TNFSF4: variants seen among roughly 807,000 people sequenced by gnomAD.
TNFSF4 encodes the protein tumor necrosis factor ligand superfamily member 4.
In TNFSF4, 4 loss-of-function variants were observed where a neutral mutation model predicts 7.3. The ratio of observed to expected loss-of-function variants is 0.55; its 90% CI spans 0.27 to 1.25. The LOEUF is 1.25. TNFSF4 is among the 50% of genes most tolerant of loss of function. The pLI is 0.12. For missense variants in TNFSF4, 181 were observed against 208.8 expected (o/e 0.87, Z 0.82); for synonymous variants, 76 against 83.7 (o/e 0.91, Z 0.50).
chr1:173,201,017 A>G (rs1384316662), intron 1 of TNFSF4, among the ~76,000 whole-genome samples: 1 of 152,254 alleles, frequency 6.6e-6, no homozygotes, highest in Non-Finnish European at 1.5e-5. Flanking sequence ...TGCCAGGAAT[A>G]TTCCCCAATG....
chr1:173,199,724 C>A (rs1649859123), intron 1 of TNFSF4, among the ~76,000 whole-genome samples: 1 of 152,128 alleles, frequency 6.6e-6, no homozygotes, highest in African/African-American at 2.4e-5. Flanking sequence ...GAAACTTCTT[C>A]ATGGTTGAAT....
Position 173,186,765 on chromosome 1 carries a change from A to G in TNFSF4, c.303T>C (p.Tyr101=). Reference sequence around the variant, plus strand: ...AGAAGTAGCCCTTCAGGGAGATGAGATAAAACCCATCACAGTTGATGATGA... The same window carrying G: ...AGAAGTAGCCCTTCAGGGAGATGAGGTAAAACCCATCACAGTTGATGATGA... ...NSVIINCDGF[Y]LISLKGYFSQ... Residue 101 remains tyrosine (Y), a synonymous_variant, in exon 3 of 3, where the codon TAT becomes TAC. Transcript: ENST00000281834. The G allele has an allele frequency of 3.1e-6, 5 of 1,614,164 alleles. No individual in the cohort carries two copies. The highest frequency in any genetic ancestry group is 4.2e-6 in the Non-Finnish European group (5 of 1,180,002).
chr1:173,270,684 G>T, the TNFSF4 span, among the ~76,000 whole-genome samples: 1 of 152,094 alleles, frequency 6.6e-6, no homozygotes, highest in Non-Finnish European at 1.5e-5. Context: ...TAGACTTGTG[G>T]TTAAAGCAAA....
chr1:173,325,160 C>T, the TNFSF4 span, among the ~76,000 whole-genome samples: 5 of 152,298 alleles, frequency 3.3e-5, no homozygotes, highest in East Asian at 9.6e-4. Flanking sequence ...TTATAACAAA[C>T]TATCTCTCAG....
At chr1:173,445,773 G>A in the TNFSF4 span, among the ~76,000 whole-genome samples, 201 of 152,186 alleles carry the variant, frequency 1.3e-3, no homozygotes, top group African/African-American at 4.3e-3. Flanking sequence ...GGGGAGTCCC[G>A]GAGATAAGAG....
At chr1:173,414,982 T>C in the TNFSF4 span, among the ~76,000 whole-genome samples, 199 of 152,326 alleles carry the variant, frequency 1.3e-3, 1 homozygote, top group African/African-American at 4.6e-3. Context: ...TTACTGAGAT[T>C]CTCTCACCCT....
At chr1:173,449,068 T>A in the TNFSF4 span, among the ~76,000 whole-genome samples, 1 of 152,152 alleles carries the variant, frequency 6.6e-6, no homozygotes, top group East Asian at 1.9e-4. Flanking sequence ...CATGAATCGC[T>A]TAGCATCATC....
the TNFSF4 span, among the ~76,000 whole-genome samples, chr1:173,228,990 A>C: frequency 1.4e-4 from 21 of 152,366 alleles, no homozygotes; most frequent in East Asian, 3.7e-3. Flanking sequence ...AATGGAACCA[A>C]GTTGGGAAAC....
the TNFSF4 span, among the ~76,000 whole-genome samples, chr1:173,213,407 AC>A: frequency 6.6e-6 from 1 of 152,146 alleles, no homozygotes; most frequent in Middle Eastern, 3.2e-3. Flanking sequence ...ATGGAACTGT[AC>A]CCATGATGTG....
chr1:173,232,096 A>T, the TNFSF4 span, among the ~76,000 whole-genome samples: 2 of 152,174 alleles, frequency 1.3e-5, no homozygotes, highest in South Asian at 2.1e-4. Context: ...CTTCCTATCC[A>T]TGAGGATGGA....
chr1:173,248,093 C>T, the TNFSF4 span, among the ~76,000 whole-genome samples: 1 of 152,070 alleles, frequency 6.6e-6, no homozygotes, highest in Non-Finnish European at 1.5e-5. Context: ...CAGTGGCTCG[C>T]ACCTGTAATC....
At chr1:173,180,098 T>C (rs1215516037), downstream of TNFSF4, among the ~76,000 whole-genome samples, 1 of 152,246 alleles carries the variant, frequency 6.6e-6, no homozygotes, top group Non-Finnish European at 1.5e-5. Flanking sequence ...CACTGTTTCT[T>C]ATTTCTTCAT....
At chr1:173,408,001 G>A in the TNFSF4 span, among the ~76,000 whole-genome samples, 1 of 152,082 alleles carries the variant, frequency 6.6e-6, no homozygotes, top group South Asian at 2.1e-4. Context: ...CCAGAAAGTT[G>A]GCAATCTGCA....
chr1:173,288,458 A>AAATT, the TNFSF4 span, among the ~76,000 whole-genome samples: 2 of 152,156 alleles, frequency 1.3e-5, no homozygotes, highest in African/African-American at 4.8e-5. Context: ...ATAAATAAAT[A>AAATT]GCCAAGCAAA....
At chr1:173,223,877 C>T in the TNFSF4 span, among the ~76,000 whole-genome samples, 2 of 152,086 alleles carry the variant, frequency 1.3e-5, no homozygotes, top group Non-Finnish European at 2.9e-5. Context: ...GGGTGGTGGC[C>T]GAAAGCAGAA....
the TNFSF4 span, among the ~76,000 whole-genome samples, chr1:173,404,374 C>T: frequency 6.6e-6 from 1 of 152,330 alleles, no homozygotes; most frequent in South Asian, 2.1e-4. Context: ...CTCAGAGCAG[C>T]AGCCTACTGC....
At chr1:173,327,341 C>T in the TNFSF4 span, among the ~76,000 whole-genome samples, 2 of 152,110 alleles carry the variant, frequency 1.3e-5, no homozygotes, top group African/African-American at 4.8e-5. Context: ...ACACCTTATA[C>T]AAAAATTAAT....
chr1:173,376,848 A>G, the TNFSF4 span, among the ~76,000 whole-genome samples: 1 of 152,182 alleles, frequency 6.6e-6, no homozygotes, highest in East Asian at 1.9e-4. Flanking sequence ...CACTACCTTT[A>G]TGAGCTGCAA....
At chr1:173,340,674 G>T in the TNFSF4 span, among the ~76,000 whole-genome samples, 13 of 152,100 alleles carry the variant, frequency 8.5e-5, no homozygotes, top group Non-Finnish European at 1.9e-4. Flanking sequence ...TGAATGCTTT[G>T]GTTTCCCTGG....
Sources: gnomAD v4.1 joint callset for allele counts (sites outside exome capture counted in the v4.1 genomes callset) on GRCh38, gnomAD v4.1.1 for gene constraint, MANE v1.5 for transcripts, NCBI Gene and HGNC (gene_info 2026-07-23, HGNC 2026-07-21) for gene names.